PLPP4: variants seen among roughly 807,000 people sequenced by gnomAD.
PLPP4 encodes the protein phospholipid phosphatase 4, also known as diacylglycerol pyrophosphate like 2.
In PLPP4, 20 loss-of-function variants were observed where a neutral mutation model predicts 32.2. That is an observed-to-expected ratio of 0.62 (90% CI 0.44 to 0.90). PLPP4 has a LOEUF of 0.90. Ranked by LOEUF, PLPP4 falls within the 40% of genes least tolerant of loss-of-function variation. PLPP4 has a pLI of 0.00. For missense variants in PLPP4, 257 were observed against 353.1 expected, an observed-to-expected ratio of 0.73 and a Z score of 2.18; for synonymous variants, 127 against 133.0, an observed-to-expected ratio of 0.95 and a Z score of 0.31.
At chr10:120,466,685 T>C (rs560147772) in intron 1 of PLPP4, among the ~76,000 whole-genome samples, 1 of 152,246 alleles carries the variant, frequency 6.6e-6, no homozygotes, top group East Asian at 1.9e-4. Context: ...AACACTCAAA[T>C]CATGCTGAAG....
At chr10:120,503,703 C>T (rs1010042918) in intron 1 of PLPP4, 115 bp from the exon 2 acceptor site, 11 of 1,589,916 alleles carry the variant, frequency 6.9e-6, no homozygotes, top group South Asian at 6.8e-5. Flanking sequence ...TCTCTTTCCC[C>T]TTCCCCAGCA....
At chr10:120,534,538 C>A (rs141652351) in intron 5 of PLPP4, among the ~76,000 whole-genome samples, 74 of 151,656 alleles carry the variant, frequency 4.9e-4, no homozygotes, top group African/African-American at 1.7e-3. Context: ...TTTTTCTGCT[C>A]CCCCTCCTCT....
chr10:120,587,472 T>G (rs954345898), intron 6 of PLPP4: 4 of 152,222 alleles, frequency 2.6e-5, no homozygotes, highest in Admixed American at 6.5e-5. Context: ...TATTGTGGAT[T>G]AATAAAATTA....
chr10:120,527,297 G>A (rs954715787), intron 5 of PLPP4, among the ~76,000 whole-genome samples: 3 of 151,944 alleles, frequency 2.0e-5, no homozygotes, highest in Non-Finnish European at 4.4e-5. Flanking sequence ...CCAAATATGC[G>A]GACCAGCAGG....
At chr10:120,498,348 A>G (rs1845068417) in intron 1 of PLPP4, among the ~76,000 whole-genome samples, 1 of 152,214 alleles carries the variant, frequency 6.6e-6, no homozygotes, top group Non-Finnish European at 1.5e-5. Context: ...CTGCTGCTGA[A>G]TTAGAGTTTA....
At position 120,581,536 on chromosome 10, in the gene PLPP4, C is replaced by T. The variant is rs1185570997; in HGVS notation, c.616+6235C>T. On this transcript the variant is annotated intron_variant, in intron 6 of 6. Coordinates refer to ENST00000398250, the MANE Select transcript of PLPP4 (RefSeq NM_001030059.3). ...CCTGCCATGGTCCATAAGATCTGCT[C>T]CCTCCGTACTTCTTTGATGCTATGT... is the stretch of plus-strand genomic sequence containing the variant. Among the ~76,000 whole-genome samples the T allele has an allele frequency of 3.3e-5, 5 of 152,278 alleles. No individual in the cohort carries two copies. The East Asian group carries it at 9.7e-4, about 29-fold the overall frequency.
In PLPP4 at chr10:120,590,767, C is replaced by CTT. The variant is rs11420059; in HGVS notation, c.*1282_*1283dup. ...TGCATCTTTGCTATCCAGAGTGTCA[C>CTT]TTTTTTTTTTTTTTTTTTGAGATGG... On this transcript the variant is annotated 3_prime_UTR_variant, in exon 7 of 7. Transcript: ENST00000398250. 0.056 allele frequency among the ~76,000 whole-genome samples: 7,082 copies of CTT among 126,126 alleles called. 451 individuals carry two copies. The highest frequency in any genetic ancestry group is 0.3 in the East Asian group (1,235 of 4,070). 82.7% of individuals were successfully genotyped at this position (126,126 alleles called of 152,430 possible). A position where few individuals can be genotyped will look rare whatever the true frequency, so the allele number is the denominator to read the frequency against.
chr10:120,513,774 T>G (rs77250013), intron 2 of PLPP4, 137 bp from the exon 3 acceptor site: 1 of 674,292 alleles, frequency 1.5e-6, no homozygotes, highest in Non-Finnish European at 2.6e-6. Flanking sequence ...CTTTTTTTTT[T>G]GTTTGTTTGA....
intron 1 of PLPP4, among the ~76,000 whole-genome samples, chr10:120,463,668 C>G (rs554334790): frequency 3.3e-5 from 5 of 152,262 alleles, no homozygotes; most frequent in African/African-American, 9.6e-5. Context: ...GTCAGGTTAC[C>G]AGGGCTTAAA....
chr10:120,487,388 G>A (rs1844509029), intron 1 of PLPP4, among the ~76,000 whole-genome samples: 1 of 152,172 alleles, frequency 6.6e-6, no homozygotes, highest in African/African-American at 2.4e-5. Flanking sequence ...TTTTAAAGCG[G>A]GATCGTTCTG....
At chr10:120,588,261 G>T (rs1849853321) in intron 6 of PLPP4, among the ~76,000 whole-genome samples, 1 of 152,230 alleles carries the variant, frequency 6.6e-6, no homozygotes, top group East Asian at 1.9e-4. Flanking sequence ...TATGTGAGCT[G>T]CTTTTATGAG....
chr10:120,520,793 C>T (rs149555531), intron 4 of PLPP4, among the ~76,000 whole-genome samples, 178 bp from the exon 5 acceptor site: 34 of 151,766 alleles, frequency 2.2e-4, no homozygotes, highest in Admixed American at 4.6e-4. Context: ...TCTCTGACAC[C>T]AAAACCTGAG....
chr10:120,562,380 A>T (rs1848475537), intron 5 of PLPP4, among the ~76,000 whole-genome samples: 1 of 152,156 alleles, frequency 6.6e-6, no homozygotes, highest in Non-Finnish European at 1.5e-5. Flanking sequence ...CCACCTGCAA[A>T]TAAGTACAGT....
At chr10:120,465,778 C>T (rs1848279533) in intron 1 of PLPP4, among the ~76,000 whole-genome samples, 1 of 152,194 alleles carries the variant, frequency 6.6e-6, no homozygotes, top group Admixed American at 6.5e-5. Context: ...CCTTCCACCA[C>T]CCTGACTTCT....
chr10:120,503,579 A>T (rs1845364505), intron 1 of PLPP4: 1 of 1,609,420 alleles, frequency 6.2e-7, no homozygotes, highest in Admixed American at 1.7e-5. Flanking sequence ...CTACTCCCTT[A>T]TGCATGGAAT....
At chr10:120,582,068 C>T (rs796609167) in intron 6 of PLPP4, among the ~76,000 whole-genome samples, 11 of 152,268 alleles carry the variant, frequency 7.2e-5, no homozygotes, top group Non-Finnish European at 1.0e-4. Context: ...ATAATATCCA[C>T]GTGAGCAGGG....
chr10:120,544,964 G>C (rs1196511631), intron 5 of PLPP4, among the ~76,000 whole-genome samples: 1 of 152,244 alleles, frequency 6.6e-6, no homozygotes, highest in African/African-American at 2.4e-5. Flanking sequence ...GTCAGGGCCA[G>C]GGATTCTCCC....
rs1849974201 is a variant in PLPP4 at position 120,590,954 on chromosome 10, A to G, written c.*1452A>G. 6.6e-6 allele frequency among the ~76,000 whole-genome samples: 1 copy of G among 151,848 alleles called. No individual in the cohort carries two copies. Among genetic ancestry groups the G allele is most frequent in the Non-Finnish European group, 1.5e-5 (1 of 67,978 alleles). ...TGGCTAATTTTTGTATTTTTAGTAG[A>G]CACGGGGTTTCACCACGTTGGCCAG... is the stretch of plus-strand genomic sequence containing the variant. On this transcript the variant is annotated 3_prime_UTR_variant, in exon 7 of 7. Transcript: ENST00000398250.
At chr10:120,578,313 A>T (rs1849320157) in intron 6 of PLPP4, among the ~76,000 whole-genome samples, 1 of 152,204 alleles carries the variant, frequency 6.6e-6, no homozygotes, top group Non-Finnish European at 1.5e-5. Flanking sequence ...TTCAGGCAGG[A>T]TGCCTGATTA....
Sources: allele counts gnomAD v4.1 joint callset (sites outside exome capture counted in the v4.1 genomes callset), GRCh38; gene constraint gnomAD v4.1.1; transcripts MANE v1.5; gene names NCBI Gene and HGNC (gene_info 2026-07-23, HGNC 2026-07-21).